Variants in ALG13 observed in about 807,000 individuals in gnomAD.
ALG13 encodes ALG13 UDP-N-acetylglucosaminyltransferase subunit.
Under a neutral mutation model 87.8 loss-of-function variants are expected in ALG13, and 11 were observed. The observed-to-expected ratio is 0.13, with a 90% confidence interval of 0.08 to 0.21. The LOEUF (loss-of-function observed/expected upper bound fraction) is 0.21, where lower values mean the gene tolerates loss of function less well. Among genes scored for constraint, ALG13 ranks in the 10% least tolerant of loss-of-function variants. The probability of loss-of-function intolerance (pLI) is 1.00; values close to 1 mark genes in which losing one functional copy is unlikely to be tolerated. For missense variants in ALG13, 756 were observed against 866.1 expected (o/e 0.87, Z 1.60); for synonymous variants, 320 against 306.3 (o/e 1.04, Z -0.47).
intron 1 of ALG13, chrX:111,681,552 T>C: frequency 2.1e-6 from 2 of 968,046 alleles, no homozygotes; most frequent in Non-Finnish European, 2.7e-6. Flanking sequence ...TTTCTTCAGC[T>C]CCTTTTCCGG....
intron 5 of ALG13, among the ~76,000 whole-genome samples, chrX:111,711,264 C>G (rs1204967432): frequency 8.9e-6 from 1 of 112,156 alleles, no homozygotes; most frequent in Non-Finnish European, 1.9e-5. Context: ...TCGCTTGTCC[C>G]ATGGTCTTTT....
Position 111,698,456 on chromosome X carries a change from C to T in ALG13, c.384-9571C>T, listed in dbSNP as rs768792833. On this transcript the variant is annotated intron_variant, in intron 3 of 26. Transcript: ENST00000394780. The stretch of plus-strand genomic sequence containing the variant: ...CTCTGCTGTACAAAAGATCCCAGAA[C>T]TTATGTCCTCTGTCTGTCTGAAGCT... Among the ~76,000 whole-genome samples, 4 of 111,315 alleles carry T rather than the reference C, an allele frequency of 3.6e-5. No homozygotes were observed. In the East Asian group the frequency reaches 8.4e-4, roughly 23 times the overall value.
At position 111,722,818 on chromosome X, in the gene ALG13, G is replaced by A. The variant is rs1941544528; in HGVS notation, c.1461G>A (p.Glu487=). The A allele has an allele frequency of 1.7e-6, 2 of 1,201,168 alleles. No homozygotes were observed. The highest frequency in any genetic ancestry group is 3.0e-5 in the East Asian group (1 of 33,653). ...RKELQKSDYM[E]YAGRQYYLGD... The stretch of plus-strand genomic sequence containing the variant: ...AACTTCAAAAATCTGATTACATGGA[G>A]TATGCTGGGAGACAGTACTATTTGG... Residue 487 remains glutamate (E), a synonymous_variant, in exon 13 of 27, where the codon GAG becomes GAA. Coordinates refer to ENST00000394780, the MANE Select transcript of ALG13 (RefSeq NM_001099922.3).
intron 3 of ALG13, among the ~76,000 whole-genome samples, chrX:111,705,866 ATTAC>A (rs1938653188): frequency 9.3e-6 from 1 of 107,106 alleles, no homozygotes; most frequent in Non-Finnish European, 1.9e-5. Context: ...TCAGTTTTCT[ATTAC>A]TTTTCTGATT....
Position 111,735,109 on chromosome X carries a change from A to T in ALG13, c.2516A>T (p.Asn839Ile). 1 of 1,181,488 alleles carries T rather than the reference A, an allele frequency of 8.5e-7. No individual in the cohort carries two copies. Reference sequence around the variant, plus strand: ...CCTCAGGACACAGTTACCTCATACAACTACCCCCAGAAGGTAATCCTCATA... The same window carrying T: ...CCTCAGGACACAGTTACCTCATACATCTACCCCCAGAAGGTAATCCTCATA... ...MSPQDTVTSY[N>I]YPQKMMGNIA... Residue 839 changes from asparagine (N) to isoleucine (I), a missense_variant, in exon 22 of 27, where the codon AAC becomes ATC. Physicochemically the swap from Asn to Ile is moderately radical, Grantham distance 149 (BLOSUM62 -3). Around this residue, in one of 9 missense-constraint regions of ALG13, gnomAD observed 362 missense variants for 383.5 expected, o/e 0.94. Transcript: ENST00000394780.
At chrX:111,725,893 A>G (rs1193726201) in intron 15 of ALG13, among the ~76,000 whole-genome samples, 1 of 112,538 alleles carries the variant, frequency 8.9e-6, no homozygotes, top group Non-Finnish European at 1.9e-5. Flanking sequence ...GGCATAATTT[A>G]TTAGAGAATA....
intron 13 of ALG13, among the ~76,000 whole-genome samples, chrX:111,723,159 A>AT (rs1236002955): frequency 4.9e-4 from 49 of 100,327 alleles, no homozygotes; most frequent in East Asian, 3.7e-3. Flanking sequence ...ATTTATTTTT[A>AT]TTTTTTTTTT....
At chrX:111,756,293 G>C in intron 25 of ALG13, among the ~76,000 whole-genome samples, 1 of 111,520 alleles carries the variant, frequency 9.0e-6, no homozygotes, top group Middle Eastern at 4.7e-3. Flanking sequence ...GAGAGCATTA[G>C]GACAAATACC....
chrX:111,682,485 C>T (rs2147631844), intron 2 of ALG13, among the ~76,000 whole-genome samples, 191 bp downstream of exon 2: 1 of 112,147 alleles, frequency 8.9e-6, no homozygotes, highest in Admixed American at 9.4e-5. Flanking sequence ...CAATAAGGAA[C>T]TGACACTTGA....
At chrX:111,741,837 C>T (rs1943771856) in intron 23 of ALG13, among the ~76,000 whole-genome samples, 1 of 109,600 alleles carries the variant, frequency 9.1e-6, no homozygotes, top group African/African-American at 3.3e-5. Context: ...GTGCTTAGCA[C>T]AGTGCCTGGA....
In ALG13 at chrX:111,681,258, G is replaced by A. The variant is rs139688782; in HGVS notation, c.40G>A (p.Asp14Asn). ...VFVTVGTTSF[D>N]DLIACVSAPD... Reference sequence around the variant, plus strand: ...TGTTACCGTAGGGACCACCAGCTTTGACGACCTCATTGCGTGTGTGTCGGC... The same window carrying A: ...TGTTACCGTAGGGACCACCAGCTTTAACGACCTCATTGCGTGTGTGTCGGC... The change falls in exon 1 of 27, where the codon GAC becomes AAC. Residue 14 changes from aspartate to asparagine, a missense_variant. Transcript: ENST00000394780. 8 of 1,211,192 alleles carry A rather than the reference G, an allele frequency of 6.6e-6. No homozygotes were observed. Among genetic ancestry groups the A allele is most frequent in the Non-Finnish European group, 8.9e-6 (8 of 895,423 alleles).
chrX:111,748,805 G>A (rs745778815), intron 24 of ALG13, among the ~76,000 whole-genome samples: 7 of 111,283 alleles, frequency 6.3e-5, no homozygotes, highest in East Asian at 5.7e-4. Context: ...GCAACTGGCC[G>A]GGCATGGTGG....
At chrX:111,685,966 A>G (rs1232059822) in intron 3 of ALG13, among the ~76,000 whole-genome samples, 1 of 112,059 alleles carries the variant, frequency 8.9e-6, no homozygotes, top group Non-Finnish European at 1.9e-5. Flanking sequence ...GGGTGGGGGT[A>G]GCTTATGTAA....
At chrX:111,728,574 T>C (rs754767062) in intron 19 of ALG13, among the ~76,000 whole-genome samples, 1 of 111,724 alleles carries the variant, frequency 9.0e-6, no homozygotes, top group Non-Finnish European at 1.9e-5. Flanking sequence ...TGACTTGGTG[T>C]CAGATATCAG....
chrX:111,706,923 C>CAAAAAAAA (rs776803537), intron 3 of ALG13, among the ~76,000 whole-genome samples: 1 of 35,724 alleles, frequency 2.8e-5, no homozygotes, highest in African/African-American at 1.1e-4. Flanking sequence ...TCCACAGATA[C>CAAAAAAAA]AAAAAAAAAA....
chrX:111,752,966 G>A (rs1210875530), intron 25 of ALG13, 136 bp downstream of exon 25: 1 of 444,431 alleles, frequency 2.3e-6, no homozygotes, highest in Non-Finnish European at 3.8e-6. Flanking sequence ...AGAGATCTCT[G>A]AAGATGACAT....
chrX:111,683,858 G>T (rs1569510294), intron 2 of ALG13, among the ~76,000 whole-genome samples: 1 of 111,661 alleles, frequency 9.0e-6, no homozygotes, highest in Non-Finnish European at 1.9e-5. Context: ...AGTGGTCAGG[G>T]TTTTTCATTA....
chrX:111,746,804 T>C (rs1944281159), intron 24 of ALG13, among the ~76,000 whole-genome samples: 1 of 112,196 alleles, frequency 8.9e-6, no homozygotes, highest in Non-Finnish European at 1.9e-5. Flanking sequence ...ACCAGCAGCG[T>C]ATGAGAATTC....
intron 8 of ALG13, among the ~76,000 whole-genome samples, chrX:111,714,478 A>G (rs1940271668): frequency 9.0e-6 from 1 of 110,664 alleles, no homozygotes; most frequent in African/African-American, 3.3e-5. Context: ...CATAGAAGCA[A>G]GAGACCCTTT....
Sources: allele counts gnomAD v4.1 joint callset (sites outside exome capture counted in the v4.1 genomes callset), GRCh38; gene constraint gnomAD v4.1.1; regional missense constraint gnomAD v4.1.1; transcripts MANE v1.5; gene names NCBI Gene and HGNC (gene_info 2026-07-23, HGNC 2026-07-21).